The following DOCK9 variants were observed in gnomAD, a reference collection of about 807,000 sequenced individuals.
DOCK9 encodes the protein dedicator of cytokinesis protein 9.
DOCK9 carries 89 observed loss-of-function variants against 263.3 expected under a neutral mutation model. That is an observed-to-expected ratio of 0.34 (90% CI 0.28 to 0.40). DOCK9 has a LOEUF of 0.40. Ranked by LOEUF, DOCK9 falls within the 10% of genes least tolerant of loss-of-function variation. The pLI, the probability that DOCK9 is intolerant of heterozygous loss-of-function variation, is 1.00. For missense variants in DOCK9, 2,140 were observed against 2,603.4 expected (o/e 0.82, Z 3.87); for synonymous variants, 976 against 973.1 (o/e 1.00, Z -0.06).
chr13:99,048,038 A>G (rs1374542943), intron 1 of DOCK9, among the ~76,000 whole-genome samples: 1 of 152,232 alleles, frequency 6.6e-6, no homozygotes, highest in Non-Finnish European at 1.5e-5. Context: ...GGGCAGCACC[A>G]GGGACCTCAA....
At chr13:99,042,301 A>G (rs868222015) in intron 1 of DOCK9, among the ~76,000 whole-genome samples, 9 of 152,346 alleles carry the variant, frequency 5.9e-5, no homozygotes, top group South Asian at 4.1e-4. Context: ...GCATGTTGTG[A>G]GGTTCCTATG....
Position 98,898,195 on chromosome 13 carries a change from A to T in DOCK9, c.1570T>A (p.Phe524Ile). 6.2e-7 allele frequency: 1 copy of T among 1,611,572 alleles called. No individual in the cohort carries two copies. The highest frequency in any genetic ancestry group is 1.3e-5 in the African/African-American group (1 of 75,040). The change falls in exon 14 of 53, where the codon TTT becomes ATT. Residue 524 changes from phenylalanine to isoleucine, a missense_variant. Transcript: ENST00000682017. ...GTTCCTTACCTTGCTGCCCAAGCAA[A>T]TGGCATTCTATACTGTCCTAGTCTT... ...CQRLGQYRMP[F>I]AWAARTLFKD... is the part of the protein sequence containing the mutation.
At chr13:99,030,249 G>A (rs1887191638) in intron 1 of DOCK9, among the ~76,000 whole-genome samples, 1 of 152,280 alleles carries the variant, frequency 6.6e-6, no homozygotes, top group Non-Finnish European at 1.5e-5. Context: ...TCAGAGTGCT[G>A]TAAAATAAAA....
At chr13:98,808,763 A>C (rs1157748251) in intron 47 of DOCK9, 1 of 828,152 alleles carries the variant, frequency 1.2e-6, no homozygotes, top group East Asian at 2.7e-5. Flanking sequence ...TATGTATTAT[A>C]ATTTATACCA....
intron 1 of DOCK9, among the ~76,000 whole-genome samples, chr13:99,002,790 C>T (rs1882617644): frequency 6.6e-6 from 1 of 152,002 alleles, no homozygotes; most frequent in African/African-American, 2.4e-5. Flanking sequence ...AAAGAGCACA[C>T]AGGGCTCTGG....
At chr13:98,994,375 G>A (rs1167012648) in intron 1 of DOCK9, among the ~76,000 whole-genome samples, 1 of 152,200 alleles carries the variant, frequency 6.6e-6, no homozygotes, top group Non-Finnish European at 1.5e-5. Flanking sequence ...TGCAGAAGGG[G>A]GGTTGTACCT....
At chr13:98,838,937 T>C (rs982788465) in intron 38 of DOCK9, among the ~76,000 whole-genome samples, 6 of 152,226 alleles carry the variant, frequency 3.9e-5, no homozygotes, top group Non-Finnish European at 8.8e-5. Flanking sequence ...AAATTCCTTA[T>C]CCAGGTCACT....
chr13:99,010,671 G>A (rs1326813926), intron 1 of DOCK9, among the ~76,000 whole-genome samples: 3 of 152,176 alleles, frequency 2.0e-5, no homozygotes, highest in Admixed American at 6.5e-5. Context: ...TCAAAATGTA[G>A]GTGTCTATAC....
chr13:98,870,583 T>C (rs1212445667), intron 27 of DOCK9, among the ~76,000 whole-genome samples: 2 of 152,116 alleles, frequency 1.3e-5, no homozygotes, highest in Non-Finnish European at 2.9e-5. Context: ...CCAGGAAAAG[T>C]AGATGGAGAA....
At chr13:98,933,714 A>C (rs1250707802) in intron 2 of DOCK9, among the ~76,000 whole-genome samples, 1 of 152,250 alleles carries the variant, frequency 6.6e-6, no homozygotes, top group Non-Finnish European at 1.5e-5. Context: ...TCTTTCAGAT[A>C]ATCTCCAAAG....
intron 7 of DOCK9, among the ~76,000 whole-genome samples, chr13:98,919,195 C>T (rs542210712): frequency 8.5e-5 from 13 of 152,054 alleles, no homozygotes; most frequent in African/African-American, 3.1e-4. Flanking sequence ...CTGCAACCTC[C>T]GCCTCCCAGG....
chr13:99,014,075 C>T (rs1884992621), intron 1 of DOCK9, among the ~76,000 whole-genome samples: 1 of 152,156 alleles, frequency 6.6e-6, no homozygotes, highest in Non-Finnish European at 1.5e-5. Flanking sequence ...TGACAGAGCC[C>T]CTGGCAGGTT....
rs1885490735 is a variant in DOCK9, at chr13:99,016,948, A to C, written c.130-61397T>G. ...TGTAGTAAAATCATACCTGTAGGGA[A>C]TACCATCCGGGCACGTGATCCCATA... On this transcript the variant is annotated intron_variant, in intron 1 of 32. Coordinates refer to the DOCK9 transcript ENST00000427887. Among the ~76,000 whole-genome samples the C allele has an allele frequency of 2.0e-5, 3 of 152,240 alleles. No individual in the cohort carries two copies. The South Asian group carries it at 6.2e-4, about 31-fold the overall frequency.
At chr13:98,990,139 A>C (rs1879464061) in intron 1 of DOCK9, among the ~76,000 whole-genome samples, 1 of 152,250 alleles carries the variant, frequency 6.6e-6, no homozygotes, top group Non-Finnish European at 1.5e-5. Flanking sequence ...GATGGTAACT[A>C]AAAGCAATGA....
At chr13:98,878,156 G>A (rs1157585215) in intron 27 of DOCK9, among the ~76,000 whole-genome samples, 4 of 152,176 alleles carry the variant, frequency 2.6e-5, no homozygotes, top group Non-Finnish European at 5.9e-5. Flanking sequence ...AAGGAGAGAG[G>A]CCTCAGAAGA....
intron 1 of DOCK9, chr13:99,015,802 T>A (rs1885315865): frequency 7.8e-7 from 1 of 1,287,010 alleles, no homozygotes; most frequent in African/African-American, 1.5e-5. Flanking sequence ...AAATCCAGAC[T>A]CCGAGTGTAA....
intron 1 of DOCK9, among the ~76,000 whole-genome samples, chr13:98,976,996 G>C (rs1188894199): frequency 1.3e-5 from 2 of 152,122 alleles, no homozygotes; most frequent in Non-Finnish European, 2.9e-5. Flanking sequence ...CTCTTTAGCA[G>C]ATAATTTGAA....
intron 2 of DOCK9, among the ~76,000 whole-genome samples, chr13:98,951,442 A>G: frequency 6.6e-6 from 1 of 152,202 alleles, no homozygotes; most frequent in East Asian, 1.9e-4. Context: ...ACCTAGCAAG[A>G]AAGGGATTTT....
intron 7 of DOCK9, among the ~76,000 whole-genome samples, chr13:98,920,034 T>C (rs974402407): frequency 2.6e-5 from 4 of 152,196 alleles, no homozygotes; most frequent in African/African-American, 9.6e-5. Context: ...GACAGATGGA[T>C]GGATGGATGG....
Sources: allele counts gnomAD v4.1 joint callset (sites outside exome capture counted in the v4.1 genomes callset), GRCh38; gene constraint gnomAD v4.1.1; transcripts MANE v1.5; gene names NCBI Gene and HGNC (gene_info 2026-07-23, HGNC 2026-07-21).